Variants in GSTM1 observed in about 807,000 individuals in gnomAD.
GSTM1 encodes GST HB subunit 4.
Under a neutral mutation model 17.3 loss-of-function variants are expected in GSTM1, and 6 were observed. The ratio of observed to expected loss-of-function variants is 0.35; its 90% confidence interval spans 0.19 to 0.68. The LOEUF (loss-of-function observed/expected upper bound fraction) is 0.68. Among genes scored for constraint, GSTM1 ranks in the 30% least tolerant of loss-of-function variants. The probability of loss-of-function intolerance (pLI) is 0.65; values close to 1 mark genes in which losing one functional copy is unlikely to be tolerated. For synonymous variants in GSTM1, 20 were observed against 53.6 expected (o/e 0.37, Z 2.74); for missense variants, 62 against 155.9 (o/e 0.40, Z 3.21).
intron 7 of GSTM1, among the ~76,000 whole-genome samples, chr1:109,692,058 C>CTTT (rs397894870): frequency 2.9e-5 from 1 of 34,880 alleles, no homozygotes; most frequent in Non-Finnish European, 7.1e-5. Flanking sequence ...AGTCCTGGAT[C>CTTT]TTTTTTTTTT....
Position 109,689,205 on chromosome 1 carries a change from C to G in GSTM1, c.260-20C>G, listed in dbSNP as rs1286568345. The G allele has an allele frequency of 5.0e-6, 4 of 793,374 alleles. 2 individuals are homozygous for G. In the African/African-American group the frequency reaches 7.6e-5, roughly 15 times the overall value. The allele number at this position is 793,374 out of a possible 1,614,324, so 49.1% of individuals were successfully genotyped here. A position where few individuals can be genotyped will look rare whatever the true frequency, so the allele number is the denominator to read the frequency against. On this transcript the variant is annotated intron_variant, in intron 4 of 7. Transcript: ENST00000309851. ...CTGGGCTGTGATGCTGAGATTGAGT[C>G]TGTGTTTTGTGGGTGGCAGGTGGGG...
intron 5 of GSTM1, 98 bp downstream of exon 5, chr1:109,689,423 C>A: frequency 2.6e-6 from 1 of 387,366 alleles, no homozygotes; most frequent in Non-Finnish European, 4.9e-6. Context: ...TGGTACCATT[C>A]ATCCTCCAAG....
chr1:109,693,008 TACA>T (rs1648136459), intron 7 of GSTM1, 195 bp from the exon 8 acceptor site: 1 of 274,260 alleles, frequency 3.6e-6, no homozygotes, highest in African/African-American at 2.8e-5. Flanking sequence ...GTTACTGTGG[TACA>T]ACATTACTTA....
chr1:109,691,225 C>CTTTTTT (rs140454046), intron 7 of GSTM1, among the ~76,000 whole-genome samples: 135 of 18,216 alleles, frequency 7.4e-3, no homozygotes, highest in Non-Finnish European at 8.8e-3. Flanking sequence ...CACCTCTATT[C>CTTTTTT]TTTTTTTTTT....
At chr1:109,690,632 A>G in intron 7 of GSTM1, 68 bp downstream of exon 7, 1 of 792,684 alleles carries the variant, frequency 1.3e-6, no homozygotes, top group Admixed American at 3.1e-5. Flanking sequence ...ATGTTTTCCC[A>G]GTCCTGGAGC....
Position 109,688,515 on chromosome 1 carries a change from G to A in GSTM1, c.113-158G>A, listed in dbSNP as rs185525957. 1,032 of 381,798 alleles carry A rather than the reference G, an allele frequency of 2.7e-3. 338 individuals carry two copies. Among genetic ancestry groups the A allele is most frequent in the African/African-American group, 0.02 (833 of 41,354 alleles). 23.7% of individuals were successfully genotyped at this position (381,798 alleles called of 1,614,324 possible). ...CTGTGTGGGGTCCAGAGCCCTCAGC[G>A]GGATTCTTTGTCCCTGAACCCTGGG... On this transcript the variant is annotated intron_variant, in intron 2 of 7. Transcript: ENST00000309851.
Position 109,687,843 on chromosome 1 carries a change from C to A in GSTM1, c.-31C>A. The A allele has an allele frequency of 1.3e-6, 1 of 767,128 alleles. No homozygotes were observed. Among genetic ancestry groups the A allele is most frequent in the Non-Finnish European group, 1.9e-6 (1 of 524,604 alleles). The allele number at this position is 767,128 out of a possible 1,614,324, so 47.5% of individuals were successfully genotyped here. A position where few individuals can be genotyped will look rare whatever the true frequency, so the allele number is the denominator to read the frequency against. ...TACTCTGAGCCCTGCTCGGTTTAGG[C>A]CTGTCTGCGGAATCCGCACCAACCA... On this transcript the variant is annotated 5_prime_UTR_variant, in exon 1 of 8. Transcript: ENST00000309851.
chr1:109,691,547 T>C (rs1648098937), intron 7 of GSTM1, among the ~76,000 whole-genome samples: 1 of 80,794 alleles, frequency 1.2e-5, no homozygotes, highest in Non-Finnish European at 3.2e-5. Context: ...TTCCCTCCAG[T>C]GTTCCACGTG....
At chr1:109,691,351 G>C (rs1428342433) in intron 7 of GSTM1, among the ~76,000 whole-genome samples, 1 of 70,940 alleles carries the variant, frequency 1.4e-5, no homozygotes, top group Non-Finnish European at 3.4e-5. Flanking sequence ...TACTGCCTCA[G>C]CTGCACGATT....
In GSTM1 at chr1:109,688,431, C is replaced by T. The variant is rs1283405523; in HGVS notation, c.112+186C>T. 10 of 398,484 alleles carry T rather than the reference C, an allele frequency of 2.5e-5. 4 individuals carry two copies. Among genetic ancestry groups the T allele is most frequent in the African/African-American group, 2.4e-4 (10 of 41,960 alleles). 24.7% of individuals were successfully genotyped at this position (398,484 alleles called of 1,614,324 possible). A position where few individuals can be genotyped will look rare whatever the true frequency, so the allele number is the denominator to read the frequency against. ...CAGAATGCTGGGGTGGGATGCTGGGCCCCCTGTCTAATTGGGACGGGTGTC... is the reference window on the plus strand; with the variant it reads ...CAGAATGCTGGGGTGGGATGCTGGGTCCCCTGTCTAATTGGGACGGGTGTC... On this transcript the variant is annotated intron_variant, in intron 2 of 7. Coordinates refer to ENST00000309851, the MANE Select transcript of GSTM1 (RefSeq NM_000561.4).
chr1:109,687,853 G>C lies in GSTM1; in HGVS notation c.-21G>C. 1.3e-6 allele frequency: 1 copy of C among 785,540 alleles called. No individual in the cohort carries two copies. The highest frequency in any genetic ancestry group is 1.8e-6 in the Non-Finnish European group (1 of 541,130). The allele number at this position is 785,540 out of a possible 1,614,324, so 48.7% of individuals were successfully genotyped here. ...CCTGCTCGGTTTAGGCCTGTCTGCG[G>C]AATCCGCACCAACCAGCACCATGCC... On this transcript the variant is annotated 5_prime_UTR_variant, in exon 1 of 8. Coordinates refer to ENST00000309851, the MANE Select transcript of GSTM1 (RefSeq NM_000561.4).
rs577717144 is a variant in GSTM1, at chr1:109,690,916, C to G, written c.567+352C>G. 2.1e-3 allele frequency among the ~76,000 whole-genome samples: 170 copies of G among 81,220 alleles called. 64 individuals are homozygous for G. In the South Asian group the frequency reaches 0.028, roughly 13 times the overall value. The allele number at this position is 81,220 out of a possible 152,430, so 53.3% of individuals were successfully genotyped here. A position where few individuals can be genotyped will look rare whatever the true frequency, so the allele number is the denominator to read the frequency against. ...CTCCCATTTGTGACAGAAGAAAAAG[C>G]CTTAGGCTTCACCTAGCCTGGGTTT... is the stretch of plus-strand genomic sequence containing the variant. On this transcript the variant is annotated intron_variant, in intron 7 of 7. Transcript: ENST00000309851.
In GSTM1 at chr1:109,692,766, T is replaced by G. The variant is rs373371490; in HGVS notation, c.568-440T>G. ...TGGGGCAGAAGAAGAAGAGAATTTG[T>G]CAGGAAGAGGCCAGAACTGGAGAGA... On this transcript the variant is annotated intron_variant, in intron 7 of 7. Transcript: ENST00000309851. Among the ~76,000 whole-genome samples, 24 of 80,280 alleles carry G rather than the reference T, an allele frequency of 3.0e-4. 7 individuals are homozygous for G. In the South Asian group the frequency reaches 8.7e-3, roughly 29 times the overall value. 52.7% of individuals were successfully genotyped at this position (80,280 alleles called of 152,430 possible).
At chr1:109,689,817 C>A (rs1648053129) in intron 5 of GSTM1, among the ~76,000 whole-genome samples, 1 of 78,024 alleles carries the variant, frequency 1.3e-5, no homozygotes, top group Non-Finnish European at 3.3e-5. Context: ...TTATTCCTCT[C>A]CCTCCTTCCT....
rs1283711990 is a variant in GSTM1, at chr1:109,691,464, C to T, written c.567+900C>T. On this transcript the variant is annotated intron_variant, in intron 7 of 7. Transcript: ENST00000309851. Reference sequence around the variant, plus strand: ...GTCAGGCTGGTCTCGAACTCCTGACCTCAGGTGATCTGCCCACATCAGCCT... The same window carrying T: ...GTCAGGCTGGTCTCGAACTCCTGACTTCAGGTGATCTGCCCACATCAGCCT... 3.8e-5 allele frequency among the ~76,000 whole-genome samples: 3 copies of T among 79,428 alleles called. 1 individual carries two copies. The highest frequency in any genetic ancestry group is 9.7e-5 in the Non-Finnish European group (3 of 31,022). The allele number at this position is 79,428 out of a possible 152,430, so 52.1% of individuals were successfully genotyped here.
At chr1:109,688,011 C>T in intron 1 of GSTM1, 102 bp downstream of exon 1, 1 of 721,146 alleles carries the variant, frequency 1.4e-6, no homozygotes, top group South Asian at 1.9e-5. Flanking sequence ...CAGGGCTGCC[C>T]GCCTCAGAAG....
intron 2 of GSTM1, 81 bp downstream of exon 2, chr1:109,688,326 C>A: frequency 1.4e-6 from 1 of 692,102 alleles, no homozygotes; most frequent in Non-Finnish European, 2.2e-6. Context: ...CCTGTGGCTG[C>A]CTCTGCAGGC....
chr1:109,687,982 T>C, intron 1 of GSTM1, 73 bp downstream of exon 1: 2 of 704,918 alleles, frequency 2.8e-6, no homozygotes, highest in South Asian at 3.8e-5. Flanking sequence ...CGGGACGGAC[T>C]CTAGGGACCG....
rs769163870 is a variant in GSTM1 at position 109,688,668 on chromosome 1, C to G, written c.113-5C>G. The G allele has an allele frequency of 8.8e-6, 7 of 794,042 alleles. 3 individuals are homozygous for G. In the Admixed American group the frequency reaches 1.2e-4, roughly 14 times the overall value. 49.2% of individuals were successfully genotyped at this position (794,042 alleles called of 1,614,324 possible). On this transcript the variant is annotated splice_region_variant and splice_polypyrimidine_tract_variant and intron_variant, in intron 2 of 7. Transcript: ENST00000309851. ...TTTGTTTTCACTTCTTCTTCCCCAC[C>G]ACAGCTCCTGATTATGACAGAAGCC...
Sources: gnomAD v4.1 joint callset for allele counts (sites outside exome capture counted in the v4.1 genomes callset) on GRCh38, gnomAD v4.1.1 for gene constraint, MANE v1.5 for transcripts, NCBI Gene and HGNC (gene_info 2026-07-23, HGNC 2026-07-21) for gene names.